The following SLC14A1 variants were observed in gnomAD, a reference collection of about 807,000 sequenced individuals.
SLC14A1 encodes the protein urea transporter 1.
A neutral mutation model predicts 39.6 loss-of-function variants in SLC14A1; 36 were observed. That is an observed-to-expected ratio of 0.91 (90% CI 0.70 to 1.20). The LOEUF is 1.20. Ranked by LOEUF, SLC14A1 falls within the 50% of genes most tolerant of loss-of-function variation. The pLI, the probability that SLC14A1 is intolerant of heterozygous loss-of-function variation, is 0.00. For synonymous variants in SLC14A1, 164 were observed against 173.6 expected, an observed-to-expected ratio of 0.94 and a Z score of 0.43; for missense variants, 469 against 478.7, an observed-to-expected ratio of 0.98 and a Z score of 0.19.
intron 8 of SLC14A1, chr18:45,739,880 A>G (rs2047310128): frequency 1.3e-5 from 8 of 604,694 alleles, no homozygotes. Flanking sequence ...GCAGGAGCCT[A>G]TTGAGTCATA....
rs199707364 is a variant in SLC14A1 at position 45,730,289 on chromosome 18, C to G, written c.-21-11C>G. 6.8e-6 allele frequency: 11 copies of G among 1,610,126 alleles called. No homozygotes were observed. The highest frequency in any genetic ancestry group is 1.7e-5 in the Admixed American group (1 of 59,872). On this transcript the variant is annotated splice_polypyrimidine_tract_variant and intron_variant, in intron 2 of 9. Transcript: ENST00000321925. ...CTTAGGGATACTTATAAGCTCTGTC[C>G]TTCCCTCAAGGAGCCAGAGGAAGAG... is the stretch of plus-strand genomic sequence containing the variant.
chr18:45,740,190 T>C (rs1430457770), intron 8 of SLC14A1, among the ~76,000 whole-genome samples: 1 of 152,192 alleles, frequency 6.6e-6, no homozygotes, highest in Admixed American at 6.5e-5. Flanking sequence ...TTGTCTTGCG[T>C]TCTTCAAACT....
chr18:45,739,292 T>C lies in SLC14A1; in HGVS notation c.793T>C (p.Leu265=), dbSNP rs28898883. The C allele has an allele frequency of 3.0e-5, 49 of 1,614,176 alleles. No individual in the cohort carries two copies. The highest frequency in any genetic ancestry group is 1.4e-4 in the South Asian group (13 of 91,084). ...LMCLHAAIGS[L]LGIAAGLSLS... is the part of the protein sequence containing the mutation. The stretch of plus-strand genomic sequence containing the variant: ...GTGCCTGCATGCTGCCATAGGATCA[T>C]TGCTGGGCATAGCAGCGGGTGAGCA... The change falls in exon 7 of 10, where the codon TTG becomes CTG. Residue 265 remains leucine (L), a synonymous_variant. Coordinates refer to ENST00000321925, the MANE Select transcript of SLC14A1 (RefSeq NM_015865.7).
chr18:45,745,868 A>G (rs2144846465), intron 8 of SLC14A1, among the ~76,000 whole-genome samples: 1 of 152,348 alleles, frequency 6.6e-6, no homozygotes, highest in Non-Finnish European at 1.5e-5. Flanking sequence ...CAAATCTCAC[A>G]TGTAAAATGC....
At position 45,751,131 on chromosome 18, in the gene SLC14A1, G is replaced by A. The variant is rs1477268587; in HGVS notation, c.*1180G>A. The stretch of plus-strand genomic sequence containing the variant: ...CAGGCGGGCAGATTGCTTGAACCCA[G>A]GAGTTCAAGACCAGCCTGGGCAGCA... On this transcript the variant is annotated 3_prime_UTR_variant, in exon 10 of 10. Coordinates refer to ENST00000321925, the MANE Select transcript of SLC14A1 (RefSeq NM_015865.7). The A allele has an allele frequency of 1.7e-5, 11 of 665,800 alleles. No individual in the cohort carries two copies. Among genetic ancestry groups the A allele is most frequent in the Non-Finnish European group, 2.0e-5 (11 of 538,372 alleles). 41.2% of individuals were successfully genotyped at this position (665,800 alleles called of 1,614,324 possible). A position where few individuals can be genotyped will look rare whatever the true frequency, so the allele number is the denominator to read the frequency against.
chr18:45,732,442 T>C (rs187045998), intron 4 of SLC14A1, among the ~76,000 whole-genome samples: 166 of 152,384 alleles, frequency 1.1e-3, no homozygotes, highest in African/African-American at 3.8e-3. Context: ...CTCTGAGTTG[T>C]ACCTTTGCAA....
intron 1 of SLC14A1, 32 bp from the exon 2 acceptor site, chr18:45,724,918 T>G (rs769749408): frequency 3.9e-5 from 6 of 152,248 alleles, no homozygotes; most frequent in Non-Finnish European, 8.8e-5. Flanking sequence ...CACAGGAATA[T>G]CTGACAGCAT....
At position 45,748,339 on chromosome 18, in the gene SLC14A1, C is replaced by T. The variant is rs202010103; in HGVS notation, c.947-37C>T. On this transcript the variant is annotated intron_variant, in intron 8 of 9. Coordinates refer to ENST00000321925, the MANE Select transcript of SLC14A1 (RefSeq NM_015865.7). ...TTTCCTGTGATTAAAAGTGCATCTACGAAGCATTGTTCTTTCCCTCCTTTT... is the reference window on the plus strand; with the variant it reads ...TTTCCTGTGATTAAAAGTGCATCTATGAAGCATTGTTCTTTCCCTCCTTTT... The T allele has an allele frequency of 6.2e-5, 100 of 1,608,452 alleles. No individual in the cohort carries two copies. The African/African-American group carries it at 8.7e-4, about 14-fold the overall frequency.
In SLC14A1 at chr18:45,739,489, GC is replaced by G. The variant is rs758392817; in HGVS notation, c.812-37del. 3.7e-6 allele frequency: 6 copies of G among 1,613,726 alleles called. No individual in the cohort carries two copies. The East Asian group carries it at 6.7e-5, about 18-fold the overall frequency. On this transcript the variant is annotated intron_variant, in intron 7 of 9. Transcript: ENST00000321925. ...CCTCAGTTTCCTTCCAGAACATCCT[GC>G]CTTTAGTCCTGAGTTCTGACCCCTC...
chr18:45,732,261 TTC>T (rs1472003294), intron 4 of SLC14A1, among the ~76,000 whole-genome samples: 20 of 152,228 alleles, frequency 1.3e-4, no homozygotes, highest in African/African-American at 4.3e-4. Flanking sequence ...AAAATGGAAA[TTC>T]TCTGTTTTAA....
At chr18:45,740,626 C>A (rs1307384213) in intron 8 of SLC14A1, among the ~76,000 whole-genome samples, 1 of 152,082 alleles carries the variant, frequency 6.6e-6, no homozygotes, top group East Asian at 1.9e-4. Context: ...GCCTCAACCT[C>A]CTGGGCTCAA....
Position 45,750,907 on chromosome 18 carries a change from T to C in SLC14A1, c.*956T>C, listed in dbSNP as rs556815060. 1.2e-5 allele frequency: 12 copies of C among 985,230 alleles called. No individual in the cohort carries two copies. The South Asian group carries it at 5.2e-4, about 42-fold the overall frequency. The allele number at this position is 985,230 out of a possible 1,614,324, so 61.0% of individuals were successfully genotyped here. On this transcript the variant is annotated 3_prime_UTR_variant, in exon 10 of 10. Coordinates refer to ENST00000321925, the MANE Select transcript of SLC14A1 (RefSeq NM_015865.7). ...TTTTTATTCATTTGAGGATGTCTTATAAAGACTGAAGGCAAAGGTCAGATT... is the reference window on the plus strand; with the variant it reads ...TTTTTATTCATTTGAGGATGTCTTACAAAGACTGAAGGCAAAGGTCAGATT...
chr18:45,725,998 TGTCTC>T (rs1204467993), intron 2 of SLC14A1, among the ~76,000 whole-genome samples: 1 of 152,208 alleles, frequency 6.6e-6, no homozygotes, highest in Non-Finnish European at 1.5e-5. Flanking sequence ...AACCCCTGCT[TGTCTC>T]TTTTTTCATT....
intron 5 of SLC14A1, among the ~76,000 whole-genome samples, chr18:45,735,989 T>A (rs2047182829): frequency 6.6e-6 from 1 of 152,150 alleles, no homozygotes; most frequent in African/African-American, 2.4e-5. Context: ...TTCCTCCAGC[T>A]CACACTACCT....
intron 8 of SLC14A1, among the ~76,000 whole-genome samples, chr18:45,745,114 G>T (rs1229769184): frequency 2.0e-5 from 3 of 152,168 alleles, no homozygotes; most frequent in Admixed American, 6.5e-5. Context: ...GTGGTAGCAC[G>T]CGCCTATAGT....
chr18:45,728,923 A>G (rs1278190773), intron 2 of SLC14A1: 2 of 152,252 alleles, frequency 1.3e-5, no homozygotes, highest in East Asian at 1.9e-4. Flanking sequence ...TGTAATTGCT[A>G]CCAATAAATC....
chr18:45,727,258 G>T, intron 2 of SLC14A1: 2 of 1,551,492 alleles, frequency 1.3e-6, no homozygotes, highest in South Asian at 2.4e-5. Flanking sequence ...GTCATGTATT[G>T]AGAAAAAGTA....
At chr18:45,734,238 C>A in intron 4 of SLC14A1, 36 bp from the exon 5 acceptor site, 1 of 1,613,322 alleles carries the variant, frequency 6.2e-7, no homozygotes, top group South Asian at 1.1e-5. Flanking sequence ...CAAAGCTCAC[C>A]CAGGAAATGT....
intron 2 of SLC14A1, chr18:45,727,200 A>T: frequency 2.0e-6 from 3 of 1,510,020 alleles, no homozygotes; most frequent in Non-Finnish European, 1.8e-6. Context: ...TTGCGTGGTC[A>T]TTAGAGCTAG....
Sources: gnomAD v4.1 joint callset for allele counts (sites outside exome capture counted in the v4.1 genomes callset) on GRCh38, gnomAD v4.1.1 for gene constraint, MANE v1.5 for transcripts, NCBI Gene and HGNC (gene_info 2026-07-23, HGNC 2026-07-21) for gene names.